PCDHA7: variants seen among roughly 807,000 people sequenced by gnomAD.
PCDHA7 encodes the protein protocadherin alpha-7.
In PCDHA7, 37 loss-of-function variants were observed where a neutral mutation model predicts 57.2. That is an observed-to-expected ratio of 0.65 (90% CI 0.50 to 0.85). The LOEUF (loss-of-function observed/expected upper bound fraction) is 0.85, where lower values mean the gene tolerates loss of function less well. PCDHA7 is among the 40% of genes least tolerant of loss of function. The probability of loss-of-function intolerance (pLI) is 0.00; values close to 1 mark genes in which losing one functional copy is unlikely to be tolerated. For synonymous variants in PCDHA7, 553 were observed against 558.8 expected, an observed-to-expected ratio of 0.99 and a Z score of 0.15; for missense variants, 1,188 against 1,241.8, an observed-to-expected ratio of 0.96 and a Z score of 0.65.
chr5:140,884,703 A>T, intron 1 of PCDHA7: 3 of 1,495,534 alleles, frequency 2.0e-6, no homozygotes, highest in Non-Finnish European at 2.7e-6. Flanking sequence ...TAAACACTTT[A>T]GCCTTCCTTG....
chr5:140,846,377 T>TCTC (rs1780417779), intron 1 of PCDHA7, among the ~76,000 whole-genome samples: 1 of 134,692 alleles, frequency 7.4e-6, no homozygotes, highest in African/African-American at 2.7e-5. Flanking sequence ...TTCTTTCTTT[T>TCTC]TTTTTTTTTT....
intron 3 of PCDHA7, among the ~76,000 whole-genome samples, chr5:141,002,135 G>C (rs1265359430): frequency 2.6e-5 from 4 of 152,236 alleles, no homozygotes; most frequent in Admixed American, 2.6e-4. Flanking sequence ...AGCCTTTGCC[G>C]GCTGCACTGA....
intron 1 of PCDHA7, among the ~76,000 whole-genome samples, chr5:140,893,391 G>A (rs1481818388): frequency 6.6e-6 from 1 of 152,158 alleles, no homozygotes; most frequent in Non-Finnish European, 1.5e-5. Context: ...AGTGGCTCAT[G>A]CCTGTAATCC....
chr5:140,855,277 C>T (rs1581364290), intron 1 of PCDHA7, among the ~76,000 whole-genome samples: 2 of 149,744 alleles, frequency 1.3e-5, no homozygotes, highest in Middle Eastern at 3.4e-3. Context: ...ACTCAACCAC[C>T]GTATTACTAT....
At chr5:140,887,135 C>T (rs2061323683) in intron 1 of PCDHA7, among the ~76,000 whole-genome samples, 1 of 150,802 alleles carries the variant, frequency 6.6e-6, no homozygotes, top group Non-Finnish European at 1.5e-5. Context: ...CTCACTCTGT[C>T]GCCCAGGCTG....
intron 1 of PCDHA7, chr5:140,851,289 A>G (rs987859417): frequency 9.6e-7 from 1 of 1,037,038 alleles, no homozygotes; most frequent in South Asian, 4.4e-5. Flanking sequence ...AAGAAACCCA[A>G]GCAAAAATAT....
chr5:140,867,041 C>G (rs188716908), intron 1 of PCDHA7: 1 of 152,078 alleles, frequency 6.6e-6, no homozygotes, highest in East Asian at 1.9e-4. Flanking sequence ...TATGACTTGG[C>G]GTTTGTTCAG....
chr5:140,907,789 G>A (rs187759241), intron 1 of PCDHA7, among the ~76,000 whole-genome samples: 1 of 152,330 alleles, frequency 6.6e-6, no homozygotes, highest in Non-Finnish European at 1.5e-5. Flanking sequence ...GCTGGGGAAA[G>A]AGGCTAAGTG....
chr5:140,892,012 G>A (rs1032416226), intron 1 of PCDHA7, among the ~76,000 whole-genome samples: 9 of 152,176 alleles, frequency 5.9e-5, no homozygotes, highest in Admixed American at 5.9e-4. Context: ...TGTTATAGCA[G>A]CACAAATGGT....
At chr5:140,967,519 C>T (rs147791062) in intron 1 of PCDHA7, 1 of 1,612,804 alleles carries the variant, frequency 6.2e-7, no homozygotes, top group Non-Finnish European at 8.5e-7. Flanking sequence ...TGGACACTAA[C>T]GACAACTCTC....
At chr5:140,885,124 T>C (rs1019759458) in intron 1 of PCDHA7, among the ~76,000 whole-genome samples, 35 of 152,216 alleles carry the variant, frequency 2.3e-4, no homozygotes, top group African/African-American at 8.2e-4. Flanking sequence ...TGCACTTTTC[T>C]TTCTTTCTTT....
At chr5:140,950,237 ATTTG>A (rs782102459) in intron 1 of PCDHA7, among the ~76,000 whole-genome samples, 1 of 151,954 alleles carries the variant, frequency 6.6e-6, no homozygotes, top group Non-Finnish European at 1.5e-5. Flanking sequence ...AGTGCCATTA[ATTTG>A]TTCCTAAAGA....
rs528840085 is a variant in PCDHA7 at position 140,876,225 on chromosome 5, GT to G, written c.2355+39488del. 8.8e-5 allele frequency: 142 copies of G among 1,613,982 alleles called. No homozygotes were observed. The African/African-American group carries it at 1.7e-3, about 20-fold the overall frequency. The stretch of plus-strand genomic sequence containing the variant: ...ATAAGCCCAGCTATAAAGTAGTGTT[GT>G]CTGAAAATGTCCAAAACGACACAAG... On this transcript the variant is annotated intron_variant, in intron 1 of 3. Coordinates refer to ENST00000525929, the MANE Select transcript of PCDHA7 (RefSeq NM_018910.3).
chr5:140,936,003 C>T (rs1362734996), intron 1 of PCDHA7, among the ~76,000 whole-genome samples: 22 of 151,556 alleles, frequency 1.5e-4, no homozygotes, highest in Non-Finnish European at 1.5e-4. Context: ...AGCGATTCTC[C>T]CACCTCAGCC....
chr5:140,981,465 T>C (rs1226815704), intron 2 of PCDHA7, among the ~76,000 whole-genome samples: 2 of 152,116 alleles, frequency 1.3e-5, no homozygotes, highest in Non-Finnish European at 1.5e-5. Context: ...TCCCAGCTAC[T>C]TGGGAGGCTG....
intron 1 of PCDHA7, among the ~76,000 whole-genome samples, chr5:140,839,578 T>TG (rs1264891718): frequency 1.3e-5 from 2 of 151,912 alleles, no homozygotes; most frequent in Non-Finnish European, 2.9e-5. Context: ...TTTGTAGAGA[T>TG]GGGGTCTTAC....
chr5:140,969,385 C>T, intron 1 of PCDHA7: 1 of 1,598,120 alleles, frequency 6.3e-7, no homozygotes, highest in Non-Finnish European at 8.5e-7. Flanking sequence ...TTACACATCC[C>T]CCAATATCCT....
chr5:140,897,964 T>A (rs1554187709), intron 1 of PCDHA7, among the ~76,000 whole-genome samples: 1 of 152,236 alleles, frequency 6.6e-6, no homozygotes, highest in South Asian at 2.1e-4. Flanking sequence ...TTTTCATGTG[T>A]CTTTTGGCTG....
In PCDHA7 at chr5:140,858,397, C is replaced by T. The variant is rs781916951; in HGVS notation, c.2355+21659C>T. On this transcript the variant is annotated intron_variant, in intron 1 of 3. Coordinates refer to ENST00000525929, the MANE Select transcript of PCDHA7 (RefSeq NM_018910.3). ...CACCATGCCCAATGGTAGATGTGGA[C>T]GGGGAAGATCAGTCTATTGGAGGGG... is the stretch of plus-strand genomic sequence containing the variant. 2.5e-6 allele frequency: 4 copies of T among 1,573,184 alleles called. No individual in the cohort carries two copies. In the South Asian group the frequency reaches 4.5e-5, roughly 18 times the overall value.
Sources: allele counts gnomAD v4.1 joint callset (sites outside exome capture counted in the v4.1 genomes callset), GRCh38; gene constraint gnomAD v4.1.1; transcripts MANE v1.5; gene names NCBI Gene and HGNC (gene_info 2026-07-23, HGNC 2026-07-21).